Variants in ARHGAP12 observed in about 807,000 individuals in gnomAD.
ARHGAP12 encodes Rho GTPase activating protein 12, also known as rho GTPase-activating protein 12.
ARHGAP12 carries 64 observed loss-of-function variants against 108.6 expected under a neutral mutation model. That is an observed-to-expected ratio of 0.59 (90% CI 0.48 to 0.73). The LOEUF is 0.73. ARHGAP12 is among the 30% of genes least tolerant of loss of function. The pLI is 0.00. For missense variants in ARHGAP12, 940 were observed against 1,005.9 expected (o/e 0.93, Z 0.89); for synonymous variants, 312 against 337.2 (o/e 0.93, Z 0.82).
intron 3 of ARHGAP12, among the ~76,000 whole-genome samples, chr10:31,874,113 A>G (rs754338611): frequency 1.2e-4 from 19 of 152,256 alleles, no homozygotes; most frequent in Non-Finnish European, 4.4e-5. Flanking sequence ...GAAAGCATAC[A>G]TTACATGAAT....
chr10:31,823,263 GA>G (rs1444519352), intron 11 of ARHGAP12, among the ~76,000 whole-genome samples: 4 of 151,882 alleles, frequency 2.6e-5, no homozygotes, highest in Non-Finnish European at 5.9e-5. Flanking sequence ...TCTGAAGTGA[GA>G]AAAAAACAAA....
At chr10:31,885,417 C>A (rs555239196) in intron 3 of ARHGAP12, among the ~76,000 whole-genome samples, 1 of 152,338 alleles carries the variant, frequency 6.6e-6, no homozygotes, top group South Asian at 2.1e-4. Context: ...AGAATAGCCT[C>A]TGGCTTTTTA....
chr10:31,870,010 A>G (rs1027211003), intron 3 of ARHGAP12, among the ~76,000 whole-genome samples: 3 of 152,178 alleles, frequency 2.0e-5, no homozygotes, highest in Non-Finnish European at 4.4e-5. Flanking sequence ...TTATATTTAT[A>G]TTGCTGAATA....
chr10:31,860,306 C>G (rs1837066210), intron 4 of ARHGAP12, among the ~76,000 whole-genome samples: 1 of 152,188 alleles, frequency 6.6e-6, no homozygotes, highest in Admixed American at 6.5e-5. Context: ...TTTGTACGAG[C>G]TAGCTGCTTT....
chr10:31,817,750 G>C, intron 13 of ARHGAP12, 38 bp downstream of exon 13: 1 of 1,358,598 alleles, frequency 7.4e-7, no homozygotes, highest in Non-Finnish European at 1.0e-6. Context: ...AAGAAAAACA[G>C]CTCTGAAGTA....
chr10:31,885,818 CAA>C (rs766985293), intron 3 of ARHGAP12, among the ~76,000 whole-genome samples: 41 of 102,746 alleles, frequency 4.0e-4, no homozygotes, highest in Admixed American at 7.2e-4. Context: ...GACACCAACT[CAA>C]AAAAAAAAAA....
chr10:31,886,662 GT>G (rs1838200696), intron 3 of ARHGAP12, among the ~76,000 whole-genome samples: 1 of 152,078 alleles, frequency 6.6e-6, no homozygotes, highest in Admixed American at 6.5e-5. Context: ...ACATTTATTG[GT>G]TTCGACAGTC....
chr10:31,835,146 C>T (rs1489381575), intron 9 of ARHGAP12, among the ~76,000 whole-genome samples: 3 of 149,936 alleles, frequency 2.0e-5, no homozygotes, highest in South Asian at 2.1e-4. Context: ...TGCAGTGAGC[C>T]GAGATCGCGC....
At chr10:31,880,832 T>C (rs747528710) in intron 3 of ARHGAP12, among the ~76,000 whole-genome samples, 3 of 151,266 alleles carry the variant, frequency 2.0e-5, no homozygotes, top group Admixed American at 6.6e-5. Flanking sequence ...TTTGGGAGGC[T>C]GAGACAGCTT....
rs1166140976 is a variant in ARHGAP12 at position 31,805,897 on chromosome 10, C to A, written c.*1761G>T. The A allele has an allele frequency of 6.6e-6, 1 of 152,166 alleles. No homozygotes were observed. The highest frequency in any genetic ancestry group is 1.5e-5 in the Non-Finnish European group (1 of 68,032). 9.4% of individuals were successfully genotyped at this position (152,166 alleles called of 1,614,324 possible). On this transcript the variant is annotated 3_prime_UTR_variant, in exon 20 of 20. Transcript: ENST00000344936. The stretch of plus-strand genomic sequence containing the variant: ...GCTTTTTCTCCCCACCCGAAACAAT[C>A]TGCTTTAGCTATCAAGTAGTTTGGT...
chr10:31,853,126 T>C (rs1305087412), intron 5 of ARHGAP12, among the ~76,000 whole-genome samples: 1 of 152,206 alleles, frequency 6.6e-6, no homozygotes, highest in African/African-American at 2.4e-5. Flanking sequence ...ATTTGCTCTC[T>C]CTATCCTCCA....
intron 3 of ARHGAP12, among the ~76,000 whole-genome samples, chr10:31,893,191 C>G (rs1423995755): frequency 2.6e-5 from 4 of 152,130 alleles, no homozygotes; most frequent in African/African-American, 9.7e-5. Context: ...ATTAAAAGAA[C>G]TAGAGAAGCA....
At chr10:31,850,083 T>C (rs551079846) in intron 6 of ARHGAP12, among the ~76,000 whole-genome samples, 5 of 152,296 alleles carry the variant, frequency 3.3e-5, no homozygotes, top group Admixed American at 6.5e-5. Flanking sequence ...TTGTGACTGA[T>C]GTCATTACTC....
intron 3 of ARHGAP12, among the ~76,000 whole-genome samples, chr10:31,902,657 A>G (rs1838977634): frequency 1.3e-5 from 2 of 151,836 alleles, no homozygotes; most frequent in Non-Finnish European, 2.9e-5. Context: ...GGTGACAGAC[A>G]AAGACCCCAT....
At chr10:31,813,101 T>G (rs954139016) in intron 14 of ARHGAP12, among the ~76,000 whole-genome samples, 4 of 152,144 alleles carry the variant, frequency 2.6e-5, no homozygotes, top group African/African-American at 9.7e-5. Flanking sequence ...ACATCCCTAA[T>G]TTACTCTAAC....
chr10:31,924,492 T>C (rs1274239024), intron 1 of ARHGAP12, among the ~76,000 whole-genome samples: 2 of 152,204 alleles, frequency 1.3e-5, no homozygotes, highest in Admixed American at 6.5e-5. Flanking sequence ...TCATATAGTA[T>C]GTAGCCTTCT....
intron 3 of ARHGAP12, among the ~76,000 whole-genome samples, chr10:31,866,375 G>GT (rs1837321407): frequency 6.6e-6 from 1 of 152,130 alleles, no homozygotes; most frequent in Non-Finnish European, 1.5e-5. Flanking sequence ...CAGAAAACAA[G>GT]TATTGTGAGG....
rs1470367143 is a variant in ARHGAP12, at chr10:31,854,145, C to A, written c.1010G>T (p.Gly337Val). Residue 337 changes from glycine to valine, a missense_variant, in exon 5 of 20, where the codon GGT becomes GTT. Transcript: ENST00000344936. ...TSYSQSDSQC[G>V]SPPRGWSEEL... ...TTCTGACCAACCCCTTGGAGGAGAA[C>A]CACACTGACTATCTGACTGGCTGTA... 6.2e-7 allele frequency: 1 copy of A among 1,613,848 alleles called. No individual in the cohort carries two copies. The highest frequency in any genetic ancestry group is 1.7e-5 in the Admixed American group (1 of 60,004).
intron 7 of ARHGAP12, among the ~76,000 whole-genome samples, chr10:31,841,146 GA>G (rs1346866988): frequency 3.3e-5 from 5 of 151,616 alleles, no homozygotes; most frequent in Non-Finnish European, 1.5e-5. Context: ...TTATAAACAA[GA>G]AATAATTTTA....
Sources: gnomAD v4.1 joint callset for allele counts (sites outside exome capture counted in the v4.1 genomes callset) on GRCh38, gnomAD v4.1.1 for gene constraint, MANE v1.5 for transcripts, NCBI Gene and HGNC (gene_info 2026-07-23, HGNC 2026-07-21) for gene names.